The following DNM2 variants were observed in gnomAD, a reference collection of about 807,000 sequenced individuals.
DNM2 encodes dynamin-2.
In DNM2, 15 loss-of-function variants were observed where a neutral mutation model predicts 99.0. That is an observed-to-expected ratio of 0.15 (90% confidence interval 0.10 to 0.23). DNM2 has a LOEUF of 0.23. Among genes scored for constraint, DNM2 ranks in the 10% least tolerant of loss-of-function variants. The pLI, the probability that DNM2 is intolerant of heterozygous loss-of-function variation, is 1.00. For missense variants in DNM2, 742 were observed against 1,189.4 expected, an observed-to-expected ratio of 0.62 and a Z score of 5.53; for synonymous variants, 525 against 481.2, an observed-to-expected ratio of 1.09 and a Z score of -1.19.
At chr19:10,724,601 C>G (rs901556301) in intron 1 of DNM2, among the ~76,000 whole-genome samples, 1 of 152,246 alleles carries the variant, frequency 6.6e-6, no homozygotes, top group South Asian at 2.1e-4. Flanking sequence ...GGAGGATGCC[C>G]GGAGGCCAGT....
chr19:10,784,239 A>G (rs1474667091), intron 6 of DNM2, among the ~76,000 whole-genome samples: 2 of 152,076 alleles, frequency 1.3e-5, no homozygotes, highest in East Asian at 3.9e-4. Flanking sequence ...AGAAGGCATA[A>G]TTCTAATGGG....
Position 10,808,185 on chromosome 19 carries a change from C to T in DNM2, c.1546-384C>T, listed in dbSNP as rs138546887. ...AGAAAGAAAAGGAAACCATAATCTT[C>T]GCAAAATTTCTGCCTATGTCCCTCC... On this transcript the variant is annotated intron_variant, in intron 13 of 20. Transcript: ENST00000389253. 2.8e-3 allele frequency among the ~76,000 whole-genome samples: 430 copies of T among 151,896 alleles called. 9 individuals are homozygous for T. Among genetic ancestry groups the T allele is most frequent in the Admixed American group, 0.026 (401 of 15,258 alleles).
intron 1 of DNM2, among the ~76,000 whole-genome samples, chr19:10,754,555 G>A (rs1017219593): frequency 6.6e-6 from 1 of 150,440 alleles, no homozygotes; most frequent in Non-Finnish European, 1.5e-5. Context: ...CTGGCCAATC[G>A]CATAAATCTT....
In DNM2 at chr19:10,818,689, CG is replaced by C. The variant is rs1322225514; in HGVS notation, c.1672-1289del. On this transcript the variant is annotated intron_variant, in intron 15 of 20. Coordinates refer to ENST00000389253, the MANE Select transcript of DNM2 (RefSeq NM_001005361.3). The surrounding 1 kb of genome is among the most constrained non-coding windows in gnomAD (Gnocchi z 4.3). ...CTGTGGCTGCTCCTGAACTTGGAGGCGGCAGCCAGGTTAGGCTTTGTGCTGG... is the reference window on the plus strand; with the variant it reads ...CTGTGGCTGCTCCTGAACTTGGAGGCGCAGCCAGGTTAGGCTTTGTGCTGG... Among the ~76,000 whole-genome samples, 1 of 152,178 alleles carries C rather than the reference CG, an allele frequency of 6.6e-6. No homozygotes were observed. Among genetic ancestry groups the C allele is most frequent in the Non-Finnish European group, 1.5e-5 (1 of 68,028 alleles).
chr19:10,778,065 G>A (rs979670540), intron 5 of DNM2, among the ~76,000 whole-genome samples: 16 of 143,656 alleles, frequency 1.1e-4, no homozygotes, highest in Non-Finnish European at 2.3e-4. Context: ...ATGAGACGGA[G>A]TCTCTGTTGC....
chr19:10,792,752 C>T (rs775326719), intron 7 of DNM2, among the ~76,000 whole-genome samples: 5 of 151,952 alleles, frequency 3.3e-5, no homozygotes, highest in Admixed American at 2.0e-4. Flanking sequence ...GGACTAGAAA[C>T]GTGCACCACC....
intron 5 of DNM2, among the ~76,000 whole-genome samples, chr19:10,778,022 T>TATTG (rs1218021675): frequency 2.1e-5 from 3 of 145,440 alleles, no homozygotes; most frequent in Non-Finnish European, 3.0e-5. Context: ...TTTTTCATTT[T>TATTG]ATTTATTTAT....
chr19:10,815,608 C>T lies in DNM2; in HGVS notation c.1671+3231C>T, dbSNP rs188773634. 2.5e-3 allele frequency among the ~76,000 whole-genome samples: 374 copies of T among 152,304 alleles called. 3 individuals are homozygous for T. Among genetic ancestry groups the T allele is most frequent in the African/African-American group, 8.5e-3 (355 of 41,562 alleles). On this transcript the variant is annotated intron_variant, in intron 15 of 20. Transcript: ENST00000389253. Reference sequence around the variant, plus strand: ...TAGGAGGGAACCTACCCACCTACCCCCAGTGCACAGAGGAGGAGCTGGAGG... The same window carrying T: ...TAGGAGGGAACCTACCCACCTACCCTCAGTGCACAGAGGAGGAGCTGGAGG...
intron 11 of DNM2, among the ~76,000 whole-genome samples, chr19:10,801,884 G>A (rs1373704896): frequency 1.9e-4 from 28 of 147,074 alleles, no homozygotes; most frequent in African/African-American, 2.5e-4. Flanking sequence ...CAGCCTGGGC[G>A]ACAGAGCAAG....
rs2068819966 is a variant in DNM2 at position 10,718,319 on chromosome 19, G to C, written c.77G>C (p.Ser26Thr). Reference protein sequence around the residue: ...LQDAFSSIGQSCHLDLPQIAV... With the variant: ...LQDAFSSIGQTCHLDLPQIAV... ...GACGCCTTCAGCTCCATCGGCCAGA[G>C]CTGCCACCTGGACCTGCCGCAGATC... Residue 26 changes from serine to threonine, a missense_variant, in exon 1 of 21, where the codon AGC becomes ACC. Physicochemically the swap from Ser to Thr is moderately conservative, Grantham distance 58. Coordinates refer to ENST00000389253, the MANE Select transcript of DNM2 (RefSeq NM_001005361.3). 1 of 1,514,580 alleles carries C rather than the reference G, an allele frequency of 6.6e-7. No individual in the cohort carries two copies. The highest frequency in any genetic ancestry group is 2.1e-5 in the Admixed American group (1 of 46,564). 93.8% of individuals were successfully genotyped at this position (1,514,580 alleles called of 1,614,324 possible). A position where few individuals can be genotyped will look rare whatever the true frequency, so the allele number is the denominator to read the frequency against.
In DNM2 at chr19:10,829,252, A is replaced by C; in HGVS notation, c.2275A>C (p.Ser759Arg). 6.2e-7 allele frequency: 1 copy of C among 1,613,366 alleles called. No homozygotes were observed. Among genetic ancestry groups the C allele is most frequent in the Non-Finnish European group, 8.5e-7 (1 of 1,179,974 alleles). The part of the protein sequence containing the change: ...PPPVDDTWLQ[S>R]ASSHSPTPQR... ...GCCTGTCGATGACACCTGGCTCCAG[A>C]GCGCCAGCAGCCACAGGTCCGGAAG... The change falls in exon 19 of 21, where the codon AGC (serine) becomes CGC (arginine). Residue 759 changes from serine (S) to arginine (R), a missense_variant. This residue lies in a region of DNM2 where 187 missense variants were observed against 218.8 expected (regional missense o/e 0.85). Transcript: ENST00000389253.
chr19:10,787,403 G>A (rs2071598798), intron 7 of DNM2, among the ~76,000 whole-genome samples: 1 of 151,254 alleles, frequency 6.6e-6, no homozygotes, highest in African/African-American at 2.4e-5. Flanking sequence ...CCCAGGAGGT[G>A]GAGCTTTCAG....
At chr19:10,729,160 G>T (rs1190433216) in intron 1 of DNM2, among the ~76,000 whole-genome samples, 1 of 31,424 alleles carries the variant, frequency 3.2e-5, no homozygotes, top group African/African-American at 1.5e-4. Context: ...GCGAGACTCC[G>T]TCTCAAAAAA....
At chr19:10,739,927 T>C (rs977686683) in intron 1 of DNM2, among the ~76,000 whole-genome samples, 1 of 151,854 alleles carries the variant, frequency 6.6e-6, no homozygotes, top group African/African-American at 2.4e-5. Flanking sequence ...GACTTTTCTT[T>C]GTGGGACGTT....
At chr19:10,785,148 C>CGCTCT (rs1297678285) in intron 6 of DNM2, among the ~76,000 whole-genome samples, 1 of 151,828 alleles carries the variant, frequency 6.6e-6, no homozygotes, top group African/African-American at 2.4e-5. Context: ...GATGGAGTCT[C>CGCTCT]GCTCTGTTGC....
At position 10,764,589 on chromosome 19, in the gene DNM2, G is replaced by A. The variant is rs533278230; in HGVS notation, c.235+4778G>A. 6.6e-6 allele frequency among the ~76,000 whole-genome samples: 1 copy of A among 152,136 alleles called. No homozygotes were observed. ...GCCCTGTGAACCACCCCTCCCCACC[G>A]CCCTTGGCCTTGAACTGGCCTTTGG... On this transcript the variant is annotated intron_variant, in intron 2 of 20. Coordinates refer to ENST00000389253, the MANE Select transcript of DNM2 (RefSeq NM_001005361.3). The surrounding 1 kb of genome is among the most constrained non-coding windows in gnomAD (Gnocchi z 4.1).
At chr19:10,819,062 GCTGC>G (rs2072879586) in intron 15 of DNM2, among the ~76,000 whole-genome samples, 1 of 152,280 alleles carries the variant, frequency 6.6e-6, no homozygotes, top group Middle Eastern at 3.4e-3. Context: ...CCACCTCTGA[GCTGC>G]CTCCCTAGCA....
Position 10,798,659 on chromosome 19 carries a change from A to G in DNM2, c.1422+87A>G, listed in dbSNP as rs2072026413. On this transcript the variant is annotated intron_variant, in intron 11 of 20. Coordinates refer to ENST00000389253, the MANE Select transcript of DNM2 (RefSeq NM_001005361.3). Reference sequence around the variant, plus strand: ...GTTCTGTGCATGCTGACAGCTGCATATGGCAAAGTAACCCTTACCTCAATC... The same window carrying G: ...GTTCTGTGCATGCTGACAGCTGCATGTGGCAAAGTAACCCTTACCTCAATC... The G allele has an allele frequency of 4.9e-6, 7 of 1,433,732 alleles. No individual in the cohort carries two copies. The South Asian group carries it at 8.2e-5, about 17-fold the overall frequency. The allele number at this position is 1,433,732 out of a possible 1,614,324, so 88.8% of individuals were successfully genotyped here. A position where few individuals can be genotyped will look rare whatever the true frequency, so the allele number is the denominator to read the frequency against.
At chr19:10,786,107 G>A (rs765512721) in intron 6 of DNM2, among the ~76,000 whole-genome samples, 1 of 152,240 alleles carries the variant, frequency 6.6e-6, no homozygotes, top group Non-Finnish European at 1.5e-5. Context: ...GCCCACATTT[G>A]TCTATTTTGA....
Sources: gnomAD v4.1 joint callset for allele counts (sites outside exome capture counted in the v4.1 genomes callset) on GRCh38, gnomAD v4.1.1 for gene constraint, gnomAD v4.1.1 regional missense constraint, Gnocchi (gnomAD v3.1) non-coding constraint, MANE v1.5 for transcripts, NCBI Gene and HGNC (gene_info 2026-07-23, HGNC 2026-07-21) for gene names.